Variants in MORC1 observed in about 807,000 individuals in gnomAD.
The protein encoded by MORC1 is MORC family CW-type zinc finger protein 1.
In MORC1, 59 loss-of-function variants were observed where a neutral mutation model predicts 134.9. The observed-to-expected ratio is 0.44, with a 90% CI of 0.35 to 0.54. The LOEUF (loss-of-function observed/expected upper bound fraction) is 0.54, where lower values mean the gene tolerates loss of function less well. MORC1 is among the 20% of genes least tolerant of loss of function. MORC1 has a pLI of 0.00. For synonymous variants in MORC1, 395 were observed against 391.7 expected (o/e 1.01, Z -0.10); for missense variants, 947 against 1,134.5 (o/e 0.83, Z 2.37).
At chr3:109,114,619 C>T (rs531571746) in intron 1 of MORC1, among the ~76,000 whole-genome samples, 182 bp from the exon 2 acceptor site, 11 of 152,154 alleles carry the variant, frequency 7.2e-5, no homozygotes, top group African/African-American at 2.4e-4. Flanking sequence ...CATTATGAAG[C>T]GAGGGTTAAA....
intron 15 of MORC1, 37 bp from the exon 16 acceptor site, chr3:109,032,862 A>G: frequency 7.7e-7 from 1 of 1,303,774 alleles, no homozygotes; most frequent in Non-Finnish European, 1.1e-6. Context: ...AAAAGAGATC[A>G]GAAATGAATC....
At chr3:109,078,821 C>T (rs965165781) in intron 8 of MORC1, among the ~76,000 whole-genome samples, 2 of 151,568 alleles carry the variant, frequency 1.3e-5, no homozygotes, top group African/African-American at 4.8e-5. Flanking sequence ...AAAAAGTGAA[C>T]AAAATCTATC....
At chr3:109,061,336 T>C (rs1326823377) in intron 11 of MORC1, among the ~76,000 whole-genome samples, 1 of 152,218 alleles carries the variant, frequency 6.6e-6, no homozygotes, top group Non-Finnish European at 1.5e-5. Context: ...CAAACTTACA[T>C]GTCTTGTAGC....
At chr3:108,966,054 T>G (rs1017083578) in intron 26 of MORC1, among the ~76,000 whole-genome samples, 4 of 152,216 alleles carry the variant, frequency 2.6e-5, no homozygotes, top group Non-Finnish European at 5.9e-5. Context: ...TGACAACTTT[T>G]CAAGCTCAGT....
chr3:109,066,038 G>A (rs1281248441), intron 9 of MORC1, among the ~76,000 whole-genome samples: 2 of 152,028 alleles, frequency 1.3e-5, no homozygotes, highest in Non-Finnish European at 2.9e-5. Flanking sequence ...AGGCAGGGAT[G>A]GGGGCATGGG....
chr3:109,011,228 C>A (rs980991652), intron 17 of MORC1, among the ~76,000 whole-genome samples: 4 of 152,014 alleles, frequency 2.6e-5, no homozygotes, highest in East Asian at 3.9e-4. Flanking sequence ...AAACAAAAAC[C>A]AAAACAAAAA....
intron 14 of MORC1, among the ~76,000 whole-genome samples, chr3:109,047,412 A>G (rs758979633): frequency 6.6e-6 from 1 of 152,168 alleles, no homozygotes; most frequent in Non-Finnish European, 1.5e-5. Context: ...TTTAGCAAAA[A>G]ACTTCATTGT....
intron 1 of MORC1, 88 bp from the exon 2 acceptor site, chr3:109,114,525 C>T: frequency 8.7e-7 from 1 of 1,143,176 alleles, no homozygotes; most frequent in South Asian, 1.4e-5. Context: ...CAAACGTTCT[C>T]CAGTTCCAGA....
chr3:109,041,487 G>C (rs903989249), intron 14 of MORC1, among the ~76,000 whole-genome samples: 2 of 151,916 alleles, frequency 1.3e-5, no homozygotes, highest in African/African-American at 4.8e-5. Context: ...CGAGGTGGGC[G>C]GATCACCTGA....
chr3:109,033,949 G>A (rs1036215850), intron 15 of MORC1, among the ~76,000 whole-genome samples: 1 of 152,078 alleles, frequency 6.6e-6, no homozygotes, highest in Non-Finnish European at 1.5e-5. Flanking sequence ...CTGGAGATTG[G>A]ATTCTAACAG....
intron 26 of MORC1, among the ~76,000 whole-genome samples, chr3:108,963,994 T>A (rs1014169689): frequency 5.3e-5 from 8 of 152,162 alleles, no homozygotes; most frequent in Non-Finnish European, 8.8e-5. Flanking sequence ...CACCAGTAAT[T>A]CACAGGCAAT....
At chr3:109,048,370 T>C (rs1949744159) in intron 14 of MORC1, among the ~76,000 whole-genome samples, 1 of 152,198 alleles carries the variant, frequency 6.6e-6, no homozygotes, top group African/African-American at 2.4e-5. Flanking sequence ...CTAAAATACT[T>C]AGGGATATAA....
intron 2 of MORC1, among the ~76,000 whole-genome samples, chr3:109,114,105 C>T (rs1027169693): frequency 1.2e-4 from 19 of 152,140 alleles, no homozygotes; most frequent in African/African-American, 4.6e-4. Flanking sequence ...TATACACTGA[C>T]ATATAATTCA....
At chr3:109,086,481 A>G (rs1002269265) in intron 8 of MORC1, among the ~76,000 whole-genome samples, 1 of 152,018 alleles carries the variant, frequency 6.6e-6, no homozygotes, top group African/African-American at 2.4e-5. Context: ...GTGGATTTCT[A>G]TCAAACCTGA....
intron 17 of MORC1, among the ~76,000 whole-genome samples, chr3:109,010,530 TGA>T (rs1948658329): frequency 2.0e-5 from 3 of 152,308 alleles, no homozygotes; most frequent in South Asian, 4.2e-4. Flanking sequence ...ACAGCTTTAG[TGA>T]GATATAGTTG....
intron 6 of MORC1, 140 bp from the exon 7 acceptor site, chr3:109,095,208 G>A: frequency 2.7e-6 from 2 of 741,548 alleles, no homozygotes; most frequent in Non-Finnish European, 4.3e-6. Flanking sequence ...CTATAATCTA[G>A]TTGTATAAGA....
intron 27 of MORC1, among the ~76,000 whole-genome samples, chr3:108,960,508 G>T (rs1463475501): frequency 6.6e-6 from 1 of 152,134 alleles, no homozygotes; most frequent in Non-Finnish European, 1.5e-5. Flanking sequence ...AACAGTGGTC[G>T]GTCAAGAGCA....
intron 8 of MORC1, among the ~76,000 whole-genome samples, chr3:109,076,101 A>T (rs1231295786): frequency 6.6e-6 from 1 of 152,234 alleles, no homozygotes; most frequent in African/African-American, 2.4e-5. Context: ...AAGGGCTACT[A>T]TCCAGAATCT....
At chr3:108,984,863 A>T (rs1947854591) in intron 22 of MORC1, 81 bp from the exon 23 acceptor site, 1 of 1,006,462 alleles carries the variant, frequency 9.9e-7, no homozygotes, top group African/African-American at 1.6e-5. Context: ...GCAGTTCATT[A>T]ACTACCTCTG....
Sources: allele counts gnomAD v4.1 joint callset (sites outside exome capture counted in the v4.1 genomes callset), GRCh38; gene constraint gnomAD v4.1.1; transcripts MANE v1.5; gene names NCBI Gene and HGNC (gene_info 2026-07-23, HGNC 2026-07-21).